The following FRMPD1 variants were observed in gnomAD, a reference collection of about 807,000 sequenced individuals.
The protein encoded by FRMPD1 is FERM and PDZ domain-containing protein 1.
FRMPD1 carries 76 observed loss-of-function variants against 117.8 expected under a neutral mutation model. The observed-to-expected ratio is 0.65, with a 90% CI of 0.54 to 0.78. The LOEUF is 0.78. Ranked by LOEUF, FRMPD1 falls within the 30% of genes least tolerant of loss-of-function variation. FRMPD1 has a pLI of 0.00. For missense variants in FRMPD1, 1,786 were observed against 1,964.5 expected (o/e 0.91, Z 1.72); for synonymous variants, 783 against 770.4 (o/e 1.02, Z -0.27).
intron 9 of FRMPD1, 71 bp from the exon 10 acceptor site, chr9:37,732,233 T>A: frequency 2.6e-6 from 4 of 1,538,664 alleles, no homozygotes; most frequent in Non-Finnish European, 3.6e-6. Flanking sequence ...CTGCTGCCTT[T>A]CACCCGAGAG....
intron 6 of FRMPD1, among the ~76,000 whole-genome samples, chr9:37,722,136 C>T (rs1419697255): frequency 2.6e-5 from 4 of 152,146 alleles, no homozygotes; most frequent in Non-Finnish European, 5.9e-5. Flanking sequence ...GGTCTGAAAT[C>T]CCTCATCCTG....
At chr9:37,610,598 T>TC in the FRMPD1 span, among the ~76,000 whole-genome samples, 1 of 150,276 alleles carries the variant, frequency 6.7e-6, no homozygotes, top group Non-Finnish European at 1.5e-5. Context: ...TCACATTCTT[T>TC]TTTTTTTTTT....
upstream of FRMPD1, among the ~76,000 whole-genome samples, chr9:37,647,579 A>G (rs561988893): frequency 2.0e-5 from 3 of 152,252 alleles, no homozygotes; most frequent in African/African-American, 7.2e-5. Flanking sequence ...AGAAACATAT[A>G]TACTTTATTT....
At chr9:37,608,391 T>C in the FRMPD1 span, among the ~76,000 whole-genome samples, 13 of 151,918 alleles carry the variant, frequency 8.6e-5, no homozygotes, top group African/African-American at 3.1e-4. Flanking sequence ...TCTTTCTTTT[T>C]TTTTTTCTAT....
intron 5 of FRMPD1, among the ~76,000 whole-genome samples, chr9:37,716,730 C>A (rs895949112): frequency 2.6e-5 from 4 of 152,172 alleles, no homozygotes; most frequent in Non-Finnish European, 5.9e-5. Context: ...TTGTTCCCTG[C>A]AGCTCTTGAC....
At chr9:37,618,082 G>T in the FRMPD1 span, among the ~76,000 whole-genome samples, 1 of 152,184 alleles carries the variant, frequency 6.6e-6, no homozygotes, top group Non-Finnish European at 1.5e-5. Context: ...TTAAAATGGT[G>T]CATGAGGCAA....
the FRMPD1 span, among the ~76,000 whole-genome samples, chr9:37,629,130 C>T: frequency 2.4e-4 from 36 of 152,058 alleles, no homozygotes; most frequent in African/African-American, 7.5e-4. Context: ...ACTCGGGAGG[C>T]GGAGGTTGCA....
In FRMPD1 at chr9:37,740,436, A is replaced by G; in HGVS notation, c.1908A>G (p.Ala636=). 1 of 1,614,178 alleles carries G rather than the reference A, an allele frequency of 6.2e-7. No individual in the cohort carries two copies. The change falls in exon 15 of 16, where the codon GCA becomes GCG. Residue 636 remains alanine, a synonymous_variant. Coordinates refer to ENST00000377765, the MANE Select transcript of FRMPD1 (RefSeq NM_014907.3). The surrounding 1 kb of genome is among the most constrained non-coding windows in gnomAD (Gnocchi z 4.2). The stretch of plus-strand genomic sequence containing the variant: ...TCCACTTTGGCTCGCCAGGCCTCGC[A>G]GAGAGCATTGACTCTGACAGCCAGG... ...TFFHFGSPGL[A]ESIDSDSQEE...
At chr9:37,607,005 C>G in the FRMPD1 span, among the ~76,000 whole-genome samples, 1 of 152,096 alleles carries the variant, frequency 6.6e-6, no homozygotes, top group Non-Finnish European at 1.5e-5. Flanking sequence ...AGCATAGTGA[C>G]AGTGAATGTA....
chr9:37,641,729 C>T, the FRMPD1 span, among the ~76,000 whole-genome samples: 4 of 152,222 alleles, frequency 2.6e-5, no homozygotes, highest in South Asian at 2.1e-4. Flanking sequence ...CTTTCCCCTG[C>T]GTCTGGGGAC....
At chr9:37,620,514 A>AT in the FRMPD1 span, among the ~76,000 whole-genome samples, 32 of 143,756 alleles carry the variant, frequency 2.2e-4, no homozygotes, top group South Asian at 4.2e-4. Context: ...GATCATCATG[A>AT]TTTAAAAAAA....
chr9:37,689,023 A>G (rs1822044997), intron 1 of FRMPD1, among the ~76,000 whole-genome samples: 1 of 151,630 alleles, frequency 6.6e-6, no homozygotes, highest in South Asian at 2.1e-4. Flanking sequence ...TTCCTGCCCC[A>G]CTCCTCCTCA....
At chr9:37,612,860 C>A in the FRMPD1 span, among the ~76,000 whole-genome samples, 1 of 152,102 alleles carries the variant, frequency 6.6e-6, no homozygotes, top group Non-Finnish European at 1.5e-5. Context: ...ACTACGAGAA[C>A]CTGGTCACTG....
the FRMPD1 span, chr9:37,636,749 T>A: frequency 6.3e-7 from 1 of 1,594,106 alleles, no homozygotes. Flanking sequence ...ATTGGGCCGC[T>A]CGCCCCCGGA....
the FRMPD1 span, among the ~76,000 whole-genome samples, chr9:37,630,466 C>T: frequency 1.3e-5 from 2 of 152,136 alleles, no homozygotes; most frequent in African/African-American, 4.8e-5. Flanking sequence ...ACTGCAACCT[C>T]CGCCTCCTGG....
chr9:37,707,383 C>T (rs774999716), intron 2 of FRMPD1, 33 bp from the exon 3 acceptor site: 1 of 1,604,720 alleles, frequency 6.2e-7, no homozygotes. Flanking sequence ...AGAGTCTTCT[C>T]TTTCTCTTTT....
At chr9:37,690,396 A>T (rs1471451121) in intron 1 of FRMPD1, among the ~76,000 whole-genome samples, 1 of 151,562 alleles carries the variant, frequency 6.6e-6, no homozygotes, top group Non-Finnish European at 1.5e-5. Context: ...ATAGATTGAA[A>T]TTTTTTTTCT....
chr9:37,626,265 G>A, the FRMPD1 span, among the ~76,000 whole-genome samples: 81 of 152,174 alleles, frequency 5.3e-4, no homozygotes, highest in Non-Finnish European at 1.0e-3. Context: ...AGAGGCGGAG[G>A]CTGCAGTGAG....
the FRMPD1 span, among the ~76,000 whole-genome samples, chr9:37,630,866 C>T: frequency 6.6e-6 from 1 of 152,148 alleles, no homozygotes; most frequent in South Asian, 2.1e-4. Flanking sequence ...GGATGAATAG[C>T]TTCCTTTAGA....
Sources: allele counts gnomAD v4.1 joint callset (sites outside exome capture counted in the v4.1 genomes callset), GRCh38; gene constraint gnomAD v4.1.1; non-coding constraint Gnocchi (gnomAD v3.1); transcripts MANE v1.5; gene names NCBI Gene and HGNC (gene_info 2026-07-23, HGNC 2026-07-21).